Variants in CSMD1 observed in about 807,000 individuals in gnomAD.
The protein encoded by CSMD1 is CUB and sushi domain-containing protein 1.
In CSMD1, 213 loss-of-function variants were observed where a neutral mutation model predicts 417.5. That is an observed-to-expected ratio of 0.51 (90% CI 0.46 to 0.57). CSMD1 has a LOEUF of 0.57. Among genes scored for constraint, CSMD1 ranks in the 20% least tolerant of loss-of-function variants. The pLI, the probability that CSMD1 is intolerant of heterozygous loss-of-function variation, is 0.00. For synonymous variants in CSMD1, 2,862 were observed against 1,736.8 expected, an observed-to-expected ratio of 1.65 and a Z score of -16.11; for missense variants, 6,923 against 4,529.7, an observed-to-expected ratio of 1.53 and a Z score of -15.17.
At chr8:4,719,393 C>T (rs1023492677) in intron 1 of CSMD1, among the ~76,000 whole-genome samples, 1 of 152,158 alleles carries the variant, frequency 6.6e-6, no homozygotes, top group African/African-American at 2.4e-5. Context: ...CCCTCCCTTC[C>T]TGCCCTATAA....
chr8:3,444,925 C>T (rs938969062), intron 12 of CSMD1, among the ~76,000 whole-genome samples: 1 of 152,128 alleles, frequency 6.6e-6, no homozygotes, highest in East Asian at 1.9e-4. Flanking sequence ...TCAGTCACCC[C>T]GTCTCCTGAT....
chr8:4,870,752 G>C (rs1350193196), intron 1 of CSMD1, among the ~76,000 whole-genome samples: 6 of 152,150 alleles, frequency 3.9e-5, no homozygotes, highest in African/African-American at 1.2e-4. Flanking sequence ...ATGTGAGCCT[G>C]CTCCATTCAG....
At chr8:4,296,102 G>A (rs112687937) in intron 3 of CSMD1, among the ~76,000 whole-genome samples, 75 of 152,190 alleles carry the variant, frequency 4.9e-4, no homozygotes, top group African/African-American at 1.7e-3. Context: ...CTCTTTGCAA[G>A]GAGAGAAATC....
chr8:3,928,585 T>A (rs1809915621), intron 5 of CSMD1, among the ~76,000 whole-genome samples: 1 of 137,796 alleles, frequency 7.3e-6, no homozygotes. Context: ...AGTAGTTCCA[T>A]CCACCAATAT....
Position 2,950,201 on chromosome 8 carries a change from C to G in CSMD1, c.10314+30G>C, listed in dbSNP as rs147971721. The G allele has an allele frequency of 8.7e-4, 1,195 of 1,378,750 alleles. 6 individuals are homozygous for G. In the African/African-American group the frequency reaches 0.012, roughly 14 times the overall value. 85.4% of individuals were successfully genotyped at this position (1,378,750 alleles called of 1,614,324 possible). A position where few individuals can be genotyped will look rare whatever the true frequency, so the allele number is the denominator to read the frequency against. On this transcript the variant is annotated intron_variant, in intron 67 of 69. Coordinates refer to ENST00000635120, the MANE Select transcript of CSMD1 (RefSeq NM_033225.6). ...CAGAGAGATGATTAGAAAGCCTGTGCTTTGTCACAGACCTTACACATGTAC... is the reference window on the plus strand; with the variant it reads ...CAGAGAGATGATTAGAAAGCCTGTGGTTTGTCACAGACCTTACACATGTAC...
intron 39 of CSMD1, among the ~76,000 whole-genome samples, chr8:3,154,490 G>T (rs1412161234): frequency 1.3e-5 from 2 of 152,206 alleles, no homozygotes; most frequent in African/African-American, 2.4e-5. Context: ...AATGGCTAGA[G>T]ACCTTATATT....
intron 12 of CSMD1, among the ~76,000 whole-genome samples, chr8:3,440,180 T>C (rs984235136): frequency 2.0e-5 from 3 of 152,218 alleles, no homozygotes; most frequent in Non-Finnish European, 2.9e-5. Flanking sequence ...CTTGTTCATA[T>C]CTACAAAACA....
rs1205609385 is a variant in CSMD1, at chr8:3,205,633, T to G, written c.4868-13A>C. 1 of 1,360,790 alleles carries G rather than the reference T, an allele frequency of 7.3e-7. No homozygotes were observed. 84.3% of individuals were successfully genotyped at this position (1,360,790 alleles called of 1,614,324 possible). On this transcript the variant is annotated splice_polypyrimidine_tract_variant and intron_variant, in intron 30 of 69. Transcript: ENST00000635120. ...CCTCCACAGGGAGCTGAAAATAAAATCAACCGAGAATTAGTCGCTGTGCAA... is the reference window on the plus strand; with the variant it reads ...CCTCCACAGGGAGCTGAAAATAAAAGCAACCGAGAATTAGTCGCTGTGCAA...
intron 5 of CSMD1, among the ~76,000 whole-genome samples, chr8:3,809,594 C>G (rs542792547): frequency 1.3e-5 from 2 of 151,890 alleles, no homozygotes; most frequent in African/African-American, 2.4e-5. Context: ...ATAGTTGGCC[C>G]CACCTGCAGA....
chr8:4,892,501 T>C (rs1429243471), intron 1 of CSMD1, among the ~76,000 whole-genome samples: 1 of 152,098 alleles, frequency 6.6e-6, no homozygotes, highest in East Asian at 1.9e-4. Context: ...ATAGTAAATA[T>C]TTGCAAAGAC....
intron 23 of CSMD1, among the ~76,000 whole-genome samples, chr8:3,314,126 G>A (rs148301187): frequency 0.084 from 12,757 of 151,578 alleles, 685 homozygotes; most frequent in Non-Finnish European, 0.12. Context: ...GTTGTGGGGT[G>A]GGGGGAGTGG....
At chr8:3,204,833 A>T (rs1797163800) in intron 31 of CSMD1, among the ~76,000 whole-genome samples, 2 of 152,246 alleles carry the variant, frequency 1.3e-5, no homozygotes, top group Non-Finnish European at 2.9e-5. Flanking sequence ...GACAGCTACT[A>T]TCTGGTTTAC....
chr8:4,851,024 G>A (rs1789937925), intron 1 of CSMD1, among the ~76,000 whole-genome samples: 2 of 151,418 alleles, frequency 1.3e-5, no homozygotes, highest in South Asian at 4.2e-4. Flanking sequence ...ATGTATACAT[G>A]TGCCATGTTG....
At chr8:4,935,123 A>G (rs976497435) in intron 1 of CSMD1, among the ~76,000 whole-genome samples, 1 of 152,236 alleles carries the variant, frequency 6.6e-6, no homozygotes, top group African/African-American at 2.4e-5. Flanking sequence ...CTTATAGCTC[A>G]CCACTTTCAA....
intron 7 of CSMD1, among the ~76,000 whole-genome samples, chr8:3,647,127 A>G (rs1021877866): frequency 6.6e-6 from 1 of 152,168 alleles, no homozygotes; most frequent in South Asian, 2.1e-4. Flanking sequence ...GGAATAAATC[A>G]TAGGAATGTA....
intron 9 of CSMD1, among the ~76,000 whole-genome samples, chr8:3,585,202 G>A (rs1366731035): frequency 1.3e-5 from 2 of 152,186 alleles, no homozygotes; most frequent in East Asian, 3.9e-4. Context: ...GGACGATAGT[G>A]ACGTGTTTGG....
chr8:3,214,073 T>G (rs1797757684), intron 30 of CSMD1, among the ~76,000 whole-genome samples: 1 of 151,920 alleles, frequency 6.6e-6, no homozygotes, highest in Non-Finnish European at 1.5e-5. Context: ...CTCGAACTCC[T>G]AACCTCGCGA....
chr8:3,681,086 T>C (rs371943209), intron 7 of CSMD1, among the ~76,000 whole-genome samples: 5 of 152,194 alleles, frequency 3.3e-5, no homozygotes, highest in Admixed American at 2.0e-4. Context: ...AATATCATAC[T>C]GAATGGGCAA....
chr8:4,229,595 T>C (rs959070916), intron 3 of CSMD1, among the ~76,000 whole-genome samples: 4 of 152,124 alleles, frequency 2.6e-5, no homozygotes, highest in Non-Finnish European at 4.4e-5. Flanking sequence ...TTCCACTGCA[T>C]GAAGGCTCTT....
Sources: gnomAD v4.1 joint callset for allele counts (sites outside exome capture counted in the v4.1 genomes callset) on GRCh38, gnomAD v4.1.1 for gene constraint, MANE v1.5 for transcripts, NCBI Gene and HGNC (gene_info 2026-07-23, HGNC 2026-07-21) for gene names.